Variants in HIPK1 observed in about 807,000 individuals in gnomAD.
HIPK1 encodes homeodomain interacting protein kinase 1, also known as homeodomain-interacting protein kinase 1.
HIPK1 carries 28 observed loss-of-function variants against 117.1 expected under a neutral mutation model. That is an observed-to-expected ratio of 0.24 (90% CI 0.18 to 0.33). HIPK1 has a LOEUF of 0.33. HIPK1 is among the 10% of genes least tolerant of loss of function. The pLI is 1.00. For missense variants in HIPK1, 1,122 were observed against 1,475.1 expected (o/e 0.76, Z 3.92); for synonymous variants, 605 against 562.5 (o/e 1.08, Z -1.07).
intron 2 of HIPK1, among the ~76,000 whole-genome samples, chr1:113,945,630 A>C (rs1183924052): frequency 6.6e-6 from 1 of 152,240 alleles, no homozygotes; most frequent in Non-Finnish European, 1.5e-5. Flanking sequence ...TGTTGGAATC[A>C]TTTGAACATA....
chr1:113,968,407 A>G (rs781420550), intron 12 of HIPK1, 35 bp from the exon 13 acceptor site: 14 of 1,474,216 alleles, frequency 9.5e-6, no homozygotes, highest in Middle Eastern at 1.8e-4. Flanking sequence ...AAGGCCAAGG[A>G]CTGAATCATC....
intron 2 of HIPK1, chr1:113,951,434 T>A (rs1671355921): frequency 4.0e-6 from 1 of 248,868 alleles, no homozygotes; most frequent in Non-Finnish European, 6.4e-6. Flanking sequence ...TTTTTCTCAG[T>A]TTCTTCTTCT....
chr1:113,938,929 T>TATAC (rs1301679078), intron 1 of HIPK1, among the ~76,000 whole-genome samples: 5 of 115,502 alleles, frequency 4.3e-5, no homozygotes, highest in African/African-American at 1.4e-4. Context: ...AAAAAAAAAA[T>TATAC]ACACACACAC....
rs748336186 is a variant in HIPK1, at chr1:113,973,041, G to A, written c.3162G>A (p.Ala1054=). 35 of 1,514,934 alleles carry A rather than the reference G, an allele frequency of 2.3e-5. No homozygotes were observed. The highest frequency in any genetic ancestry group is 4.6e-5 in the East Asian group (2 of 43,914). The allele number at this position is 1,514,934 out of a possible 1,614,324, so 93.8% of individuals were successfully genotyped here. The part of the protein sequence containing the change: ...LNLSQNQQSS[A]APTSQERSSN... ...TCTTCCAGAACCAGCAGTCATCGGC[G>A]GCTCCAACCTCACAGGAGAGAAGCA... Residue 1054 remains alanine, a synonymous_variant, in exon 16 of 16, where the codon GCG becomes GCA. Coordinates refer to ENST00000426820, the MANE Select transcript of HIPK1 (RefSeq NM_198268.3).
In HIPK1 at chr1:113,969,995, C is replaced by T; in HGVS notation, c.2811C>T (p.Val937=). Residue 937 remains valine (V), a synonymous_variant, in exon 14 of 16, where the codon GTC becomes GTT. Transcript: ENST00000426820. ...LKPRSNVISY[V]TVNDSPDSDS... ...CAAGGTCTAATGTCATCAGTTATGT[C>T]ACTGTCAATGATTCTCCAGACTCTG... The T allele has an allele frequency of 1.2e-6, 2 of 1,614,080 alleles. No homozygotes were observed. Among genetic ancestry groups the T allele is most frequent in the Non-Finnish European group, 1.7e-6 (2 of 1,179,906 alleles).
intron 1 of HIPK1, among the ~76,000 whole-genome samples, chr1:113,937,117 C>T (rs1238876313): frequency 1.3e-5 from 2 of 152,202 alleles, no homozygotes; most frequent in African/African-American, 4.8e-5. Flanking sequence ...TTCAGCCTCA[C>T]AGTTAAATTG....
rs895744657 is a variant in HIPK1 at position 113,941,827 on chromosome 1, T to C, written c.1076+368T>C. ...CAGGCTGGAGTGCAGTGGCGTGATA[T>C]CAGCTCACTGCAAGCCCCACCTCCT... On this transcript the variant is annotated intron_variant, in intron 2 of 15. Coordinates refer to ENST00000426820, the MANE Select transcript of HIPK1 (RefSeq NM_198268.3). The surrounding 1 kb of genome is among the most constrained non-coding windows in gnomAD (Gnocchi z 4.9). Among the ~76,000 whole-genome samples, 2 of 152,152 alleles carry C rather than the reference T, an allele frequency of 1.3e-5. No homozygotes were observed. Among genetic ancestry groups the C allele is most frequent in the Non-Finnish European group, 2.9e-5 (2 of 68,034 alleles).
chr1:113,967,778 T>C lies in HIPK1; in HGVS notation c.2394T>C (p.Ser798=), dbSNP rs922375181. 1 of 1,533,736 alleles carries C rather than the reference T, an allele frequency of 6.5e-7. No individual in the cohort carries two copies. Among genetic ancestry groups the C allele is most frequent in the Non-Finnish European group, 8.7e-7 (1 of 1,143,408 alleles). ...QQLADWRNAH[S]HGNQYSTIMQ... is the part of the protein sequence containing the mutation. ...TCTGTTGGTACAGGAATGCCCACTC[T>C]CATGGCAACCAGTACAGCACTATCA... Residue 798 remains serine, a synonymous_variant, in exon 12 of 16, where the codon TCT becomes TCC. Transcript: ENST00000426820.
Position 113,970,098 on chromosome 1 carries a change from C to T in HIPK1, c.2914C>T (p.Pro972Ser). Residue 972 changes from proline to serine, a missense_variant, in exon 14 of 16, where the codon CCT becomes TCT. Pro to Ser is a moderately conservative substitution (Grantham distance 74). Transcript: ENST00000426820. ...CAATAGTGGATCCGTTTTGGAGGGG[C>T]CTGGCAGAGTTGTGGCAGATGGCAC... ...RGNSGSVLEG[P>S]GRVVADGTGT... 1.9e-6 allele frequency: 3 copies of T among 1,614,166 alleles called. No homozygotes were observed. Among genetic ancestry groups the T allele is most frequent in the Non-Finnish European group, 1.7e-6 (2 of 1,180,032 alleles).
Position 113,962,382 on chromosome 1 carries a change from G to T in HIPK1, c.2047G>T (p.Val683Leu). 6.2e-7 allele frequency: 1 copy of T among 1,613,938 alleles called. No individual in the cohort carries two copies. The highest frequency in any genetic ancestry group is 8.5e-7 in the Non-Finnish European group (1 of 1,179,870). Reference sequence around the variant, plus strand: ...GAGGATGGATAATGCTGTACCGATTGTACCCCAGGCACCAGCTGCTCAGCC... The same window carrying T: ...GAGGATGGATAATGCTGTACCGATTTTACCCCAGGCACCAGCTGCTCAGCC... ...PVRMDNAVPIVPQAPAAQPLQ... is the reference protein window; with the variant it reads ...PVRMDNAVPILPQAPAAQPLQ... Residue 683 changes from valine (V) to leucine (L), a missense_variant, in exon 9 of 16, where the codon GTA (valine) becomes TTA (leucine). This residue lies in a region of HIPK1 where 731 missense variants were observed against 860.4 expected (regional missense o/e 0.85). Transcript: ENST00000426820.
rs1319568434 is a variant in HIPK1 at position 113,974,364 on chromosome 1, C to T, written c.*852C>T. On this transcript the variant is annotated 3_prime_UTR_variant, in exon 16 of 16. Coordinates refer to ENST00000426820, the MANE Select transcript of HIPK1 (RefSeq NM_198268.3). ...TCTGATTCAGCTTAAATTTTTTTATCGAAAAAGCCATTAAGGTGGTTATTA... is the reference window on the plus strand; with the variant it reads ...TCTGATTCAGCTTAAATTTTTTTATTGAAAAAGCCATTAAGGTGGTTATTA... 2 of 152,598 alleles carry T rather than the reference C, an allele frequency of 1.3e-5. No individual in the cohort carries two copies. The highest frequency in any genetic ancestry group is 1.5e-5 in the Non-Finnish European group (1 of 68,006). 9.5% of individuals were successfully genotyped at this position (152,598 alleles called of 1,614,324 possible).
In HIPK1 at chr1:113,966,243, G is replaced by A. The variant is rs1672437613; in HGVS notation, c.2352G>A (p.Met784Ile). 1 of 1,613,848 alleles carries A rather than the reference G, an allele frequency of 6.2e-7. No individual in the cohort carries two copies. Among genetic ancestry groups the A allele is most frequent in the Admixed American group, 1.7e-5 (1 of 59,988 alleles). ...CCACAGCAATGATTCCAGAGGCCAT[G>A]GGGAGTGGACAGCAGCTAGCTGACT... ...VQPTAMIPEA[M>I]GSGQQLADWR... is the part of the protein sequence containing the mutation. The change falls in exon 11 of 16, where the codon ATG becomes ATA. Residue 784 changes from methionine (M) to isoleucine (I), a missense_variant. This residue lies in a region of HIPK1 where 731 missense variants were observed against 860.4 expected (regional missense o/e 0.85). Coordinates refer to ENST00000426820, the MANE Select transcript of HIPK1 (RefSeq NM_198268.3).
chr1:113,939,843 G>A (rs548808801), intron 1 of HIPK1, among the ~76,000 whole-genome samples: 2 of 152,054 alleles, frequency 1.3e-5, no homozygotes, highest in South Asian at 4.2e-4. Flanking sequence ...GTGTCTGTGG[G>A]ATATTCAGGG....
chr1:113,931,921 T>A (rs1669922190), intron 1 of HIPK1, among the ~76,000 whole-genome samples: 1 of 152,280 alleles, frequency 6.6e-6, no homozygotes. Context: ...TAGGTCTTTT[T>A]AAAAAAAATT....
intron 14 of HIPK1, 146 bp downstream of exon 14, chr1:113,970,343 C>T (rs1571732051): frequency 1.2e-6 from 1 of 835,122 alleles, no homozygotes; most frequent in Non-Finnish European, 1.9e-6. Context: ...CAGTTCCCTG[C>T]ACAATGTGAA....
chr1:113,946,886 G>C (rs1408794392), intron 2 of HIPK1, among the ~76,000 whole-genome samples: 1 of 152,186 alleles, frequency 6.6e-6, no homozygotes, highest in Non-Finnish European at 1.5e-5. Flanking sequence ...AAGGCAGATG[G>C]AACAGCAGCT....
chr1:113,947,428 A>C (rs558545556), intron 2 of HIPK1, among the ~76,000 whole-genome samples: 1 of 152,242 alleles, frequency 6.6e-6, no homozygotes, highest in Non-Finnish European at 1.5e-5. Context: ...CTAGACAAAC[A>C]AATAATCTAA....
At chr1:113,972,630 G>A (rs529413280) in intron 15 of HIPK1, among the ~76,000 whole-genome samples, 45 of 152,154 alleles carry the variant, frequency 3.0e-4, no homozygotes, top group Non-Finnish European at 1.0e-4. Flanking sequence ...CATTTCAAGA[G>A]GGGTATGAAG....
Position 113,930,035 on chromosome 1 carries a change from G to T in HIPK1, c.-3+503G>T, listed in dbSNP as rs1320998797. 1.4e-5 allele frequency: 14 copies of T among 984,380 alleles called. No homozygotes were observed. The African/African-American group carries it at 2.4e-4, about 17-fold the overall frequency. The allele number at this position is 984,380 out of a possible 1,614,324, so 61.0% of individuals were successfully genotyped here. On this transcript the variant is annotated intron_variant, in intron 1 of 15. Coordinates refer to ENST00000426820, the MANE Select transcript of HIPK1 (RefSeq NM_198268.3). ...GGCCGGCCGCCGGCTCTCCTGGAGC[G>T]CCCAGCCTGCCGGGGGCGCCTTCCT...
Sources: gnomAD v4.1 joint callset for allele counts (sites outside exome capture counted in the v4.1 genomes callset) on GRCh38, gnomAD v4.1.1 for gene constraint, gnomAD v4.1.1 regional missense constraint, Gnocchi (gnomAD v3.1) non-coding constraint, MANE v1.5 for transcripts, NCBI Gene and HGNC (gene_info 2026-07-23, HGNC 2026-07-21) for gene names.